The following OTUD7A variants were observed in gnomAD, a reference collection of about 807,000 sequenced individuals.
The protein encoded by OTUD7A is OTU deubiquitinase 7A, also known as OTU domain-containing protein 7A.
In OTUD7A, 12 loss-of-function variants were observed where a neutral mutation model predicts 65.7. That is an observed-to-expected ratio of 0.18 (90% CI 0.12 to 0.30). The LOEUF (loss-of-function observed/expected upper bound fraction) is 0.30. Among genes scored for constraint, OTUD7A ranks in the 10% least tolerant of loss-of-function variants. The pLI, the probability that OTUD7A is intolerant of heterozygous loss-of-function variation, is 1.00. For synonymous variants in OTUD7A, 641 were observed against 586.3 expected, an observed-to-expected ratio of 1.09 and a Z score of -1.35; for missense variants, 1,148 against 1,304.8, an observed-to-expected ratio of 0.88 and a Z score of 1.85.
chr15:31,486,141 C>T (rs929931283), intron 12 of OTUD7A, among the ~76,000 whole-genome samples: 2 of 152,214 alleles, frequency 1.3e-5, no homozygotes, highest in Non-Finnish European at 1.5e-5. Context: ...CTGGCAATTG[C>T]AGGCAGAGCT....
intron 1 of OTUD7A, among the ~76,000 whole-genome samples, chr15:31,795,795 T>C (rs1211956151): frequency 2.6e-5 from 4 of 152,158 alleles, no homozygotes; most frequent in Non-Finnish European, 5.9e-5. Context: ...GCTTGGGCCT[T>C]TGTGGGCCTC....
At chr15:31,489,229 T>TGG (rs1196726116) in intron 10 of OTUD7A, among the ~76,000 whole-genome samples, 1 of 152,222 alleles carries the variant, frequency 6.6e-6, no homozygotes, top group Non-Finnish European at 1.5e-5. Flanking sequence ...GTGCAGCTCC[T>TGG]GGGAGTTCCA....
Position 31,479,073 on chromosome 15 carries a change from A to T in OTUD7A, c.*4221T>A, listed in dbSNP as rs1449281040. 6.6e-6 allele frequency: 1 copy of T among 152,304 alleles called. No homozygotes were observed. The highest frequency in any genetic ancestry group is 2.4e-5 in the African/African-American group (1 of 41,462). The allele number at this position is 152,304 out of a possible 1,614,324, so 9.4% of individuals were successfully genotyped here. ...CCAGCTAGAGTTTAGAGTCAGGAGT[A>T]AATGGGAAGGTGGTGCCTCAGATCT... On this transcript the variant is annotated 3_prime_UTR_variant, in exon 13 of 13. Transcript: ENST00000307050.
chr15:31,537,558 T>A (rs1278361074), intron 5 of OTUD7A, among the ~76,000 whole-genome samples: 1 of 152,236 alleles, frequency 6.6e-6, no homozygotes, highest in African/African-American at 2.4e-5. Context: ...AACACGCAGT[T>A]ACTTAGTCAC....
At chr15:31,581,359 G>A (rs996425344) in intron 3 of OTUD7A, among the ~76,000 whole-genome samples, 1 of 152,194 alleles carries the variant, frequency 6.6e-6, no homozygotes, top group Non-Finnish European at 1.5e-5. Flanking sequence ...TTGGGGTCTG[G>A]AGGATGGTGG....
At chr15:31,569,950 C>A in intron 4 of OTUD7A, 68 bp downstream of exon 4, 1 of 1,566,418 alleles carries the variant, frequency 6.4e-7, no homozygotes, top group South Asian at 1.2e-5. Context: ...TTGTACCACG[C>A]AACCCGCCTG....
At chr15:31,625,046 T>G (rs1401176430) in intron 3 of OTUD7A, among the ~76,000 whole-genome samples, 1 of 152,210 alleles carries the variant, frequency 6.6e-6, no homozygotes, top group Non-Finnish European at 1.5e-5. Flanking sequence ...CCATAAGCTG[T>G]CGCTTTATCT....
chr15:31,526,075 G>A (rs1402445881), intron 8 of OTUD7A, among the ~76,000 whole-genome samples: 1 of 152,264 alleles, frequency 6.6e-6, no homozygotes, highest in Non-Finnish European at 1.5e-5. Flanking sequence ...TTCAAGGAAA[G>A]TGGCCTGGAG....
intron 1 of OTUD7A, among the ~76,000 whole-genome samples, chr15:31,682,840 G>A (rs1892749290): frequency 6.6e-6 from 1 of 152,184 alleles, no homozygotes; most frequent in Non-Finnish European, 1.5e-5. Flanking sequence ...CTGTGTGCAT[G>A]TTTATGTTGA....
intron 3 of OTUD7A, among the ~76,000 whole-genome samples, chr15:31,643,399 C>A (rs1274203951): frequency 1.3e-5 from 2 of 152,122 alleles, no homozygotes; most frequent in African/African-American, 4.8e-5. Context: ...TTGTATTAAG[C>A]AATGTGCTGT....
intron 3 of OTUD7A, among the ~76,000 whole-genome samples, chr15:31,598,432 C>T (rs980980855): frequency 6.6e-6 from 1 of 152,110 alleles, no homozygotes; most frequent in East Asian, 1.9e-4. Flanking sequence ...CAAGGGAAGC[C>T]GTGAGGGACT....
intron 5 of OTUD7A, among the ~76,000 whole-genome samples, chr15:31,537,592 T>C (rs907092786): frequency 6.6e-6 from 1 of 152,196 alleles, no homozygotes; most frequent in Non-Finnish European, 1.5e-5. Flanking sequence ...GGCTGTGAAA[T>C]AGCAACCTGT....
In OTUD7A at chr15:31,510,949, CAT is replaced by C. The variant is rs367922028; in HGVS notation, c.894-7133_894-7132del. Reference sequence around the variant, plus strand: ...AACATATATGTATATCTATATGTAACATATATGTATATCTATATGTAACATAT... The same window carrying C: ...AACATATATGTATATCTATATGTAACATATGTATATCTATATGTAACATAT... On this transcript the variant is annotated intron_variant, in intron 8 of 12. Coordinates refer to ENST00000307050, the MANE Select transcript of OTUD7A (RefSeq NM_001382637.1). 5.9e-4 allele frequency among the ~76,000 whole-genome samples: 6 copies of C among 10,168 alleles called. 3 individuals are homozygous for C. The highest frequency in any genetic ancestry group is 9.3e-4 in the Non-Finnish European group (6 of 6,460). 6.7% of individuals were successfully genotyped at this position (10,168 alleles called of 152,430 possible).
intron 3 of OTUD7A, among the ~76,000 whole-genome samples, chr15:31,634,860 G>T (rs1891292041): frequency 6.6e-6 from 1 of 152,212 alleles, no homozygotes; most frequent in African/African-American, 2.4e-5. Context: ...TTAACCAAAG[G>T]GAGTGTGAAG....
chr15:31,635,298 C>T (rs1891305389), intron 3 of OTUD7A, among the ~76,000 whole-genome samples: 1 of 152,192 alleles, frequency 6.6e-6, no homozygotes, highest in Admixed American at 6.5e-5. Context: ...GCTCCTGGGA[C>T]CTACAGGTCA....
chr15:31,746,501 T>C (rs1030928314), intron 1 of OTUD7A, among the ~76,000 whole-genome samples: 17 of 115,188 alleles, frequency 1.5e-4, no homozygotes, highest in Non-Finnish European at 2.5e-4. Context: ...ATAGTAGTTT[T>C]TACATATTTT....
intron 3 of OTUD7A, among the ~76,000 whole-genome samples, chr15:31,624,910 C>A (rs1890904871): frequency 6.6e-6 from 1 of 152,122 alleles, no homozygotes; most frequent in Non-Finnish European, 1.5e-5. Flanking sequence ...CCAAGATAGC[C>A]CCCAAGGATC....
intron 1 of OTUD7A, among the ~76,000 whole-genome samples, chr15:31,666,712 G>A (rs1182412148): frequency 6.6e-6 from 1 of 151,958 alleles, no homozygotes; most frequent in Non-Finnish European, 1.5e-5. Flanking sequence ...AGTTCCTTGA[G>A]GTGTGACTTT....
chr15:31,673,507 G>A (rs1174629310), intron 1 of OTUD7A, among the ~76,000 whole-genome samples: 4 of 152,198 alleles, frequency 2.6e-5, no homozygotes, highest in African/African-American at 9.7e-5. Context: ...GAGCTTGACT[G>A]ACAATTCTAA....
Sources: gnomAD v4.1 joint callset for allele counts (sites outside exome capture counted in the v4.1 genomes callset) on GRCh38, gnomAD v4.1.1 for gene constraint, MANE v1.5 for transcripts, NCBI Gene and HGNC (gene_info 2026-07-23, HGNC 2026-07-21) for gene names.